The following CAV1 variants were observed in gnomAD, a reference collection of about 807,000 sequenced individuals.
The protein encoded by CAV1 is caveolin-1.
In CAV1, 10 loss-of-function variants were observed where a neutral mutation model predicts 16.5. The ratio of observed to expected loss-of-function variants is 0.61; its 90% CI spans 0.37 to 1.03. The LOEUF (loss-of-function observed/expected upper bound fraction) is 1.03. CAV1 is among the 50% of genes least tolerant of loss of function. The pLI is 0.01. For synonymous variants in CAV1, 76 were observed against 85.1 expected (o/e 0.89, Z 0.59); for missense variants, 212 against 232.8 (o/e 0.91, Z 0.58).
At chr7:116,553,086 A>T (rs1286516866) in intron 2 of CAV1, among the ~76,000 whole-genome samples, 1 of 152,262 alleles carries the variant, frequency 6.6e-6, no homozygotes, top group Non-Finnish European at 1.5e-5. Flanking sequence ...TAAGATCATT[A>T]CTTATGAAAT....
intron 2 of CAV1, among the ~76,000 whole-genome samples, chr7:116,542,375 A>G (rs1402708992): frequency 6.6e-6 from 1 of 152,158 alleles, no homozygotes; most frequent in East Asian, 1.9e-4. Flanking sequence ...AGAAATTCTG[A>G]TTTAATTGGT....
intron 2 of CAV1, among the ~76,000 whole-genome samples, chr7:116,539,439 G>T (rs952617206): frequency 2.6e-5 from 4 of 152,128 alleles, no homozygotes; most frequent in African/African-American, 9.7e-5. Context: ...TCTTTTTAAA[G>T]TAAGTTAATG....
intron 2 of CAV1, among the ~76,000 whole-genome samples, chr7:116,557,046 C>A (rs955567856): frequency 3.3e-5 from 5 of 152,158 alleles, no homozygotes; most frequent in African/African-American, 7.2e-5. Flanking sequence ...ACAGAAACTT[C>A]ATAAAAGTAT....
At chr7:116,551,310 G>A (rs1308865717) in intron 2 of CAV1, among the ~76,000 whole-genome samples, 1 of 152,216 alleles carries the variant, frequency 6.6e-6, no homozygotes, top group African/African-American at 2.4e-5. Flanking sequence ...CAGTTTTCCA[G>A]ATGGAGCTGG....
intron 2 of CAV1, among the ~76,000 whole-genome samples, chr7:116,552,189 T>A (rs542777398): frequency 6.6e-6 from 1 of 152,336 alleles, no homozygotes; most frequent in South Asian, 2.1e-4. Flanking sequence ...TCTTAGATGC[T>A]GTCTATCGCA....
intron 2 of CAV1, among the ~76,000 whole-genome samples, chr7:116,541,638 G>C (rs1402989079): frequency 6.6e-6 from 1 of 151,780 alleles, no homozygotes; most frequent in African/African-American, 2.4e-5. Flanking sequence ...TGTAGTCTCA[G>C]CTACTTGGGG....
chr7:116,540,582 A>G (rs1793914743), intron 2 of CAV1, among the ~76,000 whole-genome samples: 1 of 152,218 alleles, frequency 6.6e-6, no homozygotes, highest in Admixed American at 6.5e-5. Flanking sequence ...CAGTCATAGC[A>G]CACTTAATAT....
At chr7:116,526,378 C>T in intron 1 of CAV1, 147 bp from the exon 2 acceptor site, 1 of 1,521,430 alleles carries the variant, frequency 6.6e-7, no homozygotes, top group East Asian at 2.4e-5. Context: ...GGAGCCGTAG[C>T]TGTCGGAGCG....
intron 2 of CAV1, among the ~76,000 whole-genome samples, chr7:116,548,044 A>G (rs1327585049): frequency 2.0e-5 from 3 of 152,142 alleles, no homozygotes; most frequent in African/African-American, 7.2e-5. Flanking sequence ...TCTGATTGTC[A>G]CATTTTTCAG....
intron 2 of CAV1, among the ~76,000 whole-genome samples, chr7:116,552,959 C>T (rs1047908489): frequency 7.2e-5 from 11 of 152,328 alleles, no homozygotes; most frequent in South Asian, 2.1e-4. Context: ...GAGCAGGCAA[C>T]AAACAAGTCT....
At chr7:116,554,116 C>G (rs1794217649) in intron 2 of CAV1, among the ~76,000 whole-genome samples, 1 of 152,140 alleles carries the variant, frequency 6.6e-6, no homozygotes, top group Admixed American at 6.5e-5. Flanking sequence ...TTTAAGAATC[C>G]CTTTAGCTTT....
At chr7:116,552,659 A>G (rs1410280126) in intron 2 of CAV1, among the ~76,000 whole-genome samples, 1 of 152,110 alleles carries the variant, frequency 6.6e-6, no homozygotes, top group African/African-American at 2.4e-5. Flanking sequence ...CATAGGCAAC[A>G]CCTCATATTC....
chr7:116,527,993 G>C (rs891100181), intron 2 of CAV1, among the ~76,000 whole-genome samples: 2 of 150,724 alleles, frequency 1.3e-5, no homozygotes, highest in African/African-American at 4.9e-5. Context: ...AGCAACAAAA[G>C]TACCTTATAA....
chr7:116,540,003 C>T (rs934930067), intron 2 of CAV1, among the ~76,000 whole-genome samples: 5 of 152,050 alleles, frequency 3.3e-5, no homozygotes, highest in Non-Finnish European at 7.4e-5. Context: ...GGGAATGGCC[C>T]GAAAGAAAAA....
chr7:116,526,543 C>T lies in CAV1; in HGVS notation c.49C>T (p.Pro17Ser), dbSNP rs1793565971. The T allele has an allele frequency of 6.2e-7, 1 of 1,614,008 alleles. No individual in the cohort carries two copies. The highest frequency in any genetic ancestry group is 8.5e-7 in the Non-Finnish European group (1 of 1,180,050). Residue 17 changes from proline to serine, a missense_variant, in exon 2 of 3, where the codon CCC becomes TCC. Physicochemically the swap from Pro to Ser is moderately conservative, Grantham distance 74. Transcript: ENST00000341049. The part of the protein sequence containing the change: ...VDSEGHLYTV[P>S]IREQGNIYKP... ...TCTGCAGGGACATCTCTACACCGTT[C>T]CCATCCGGGAACAGGGCAACATCTA...
intron 2 of CAV1, chr7:116,551,971 TG>T (rs1308216068): frequency 6.5e-6 from 1 of 154,044 alleles, no homozygotes; most frequent in Non-Finnish European, 1.4e-5. Context: ...ACATGGCAGC[TG>T]GTTTCCAGTA....
chr7:116,534,386 TATATATATA>T (rs1275441936), intron 2 of CAV1, among the ~76,000 whole-genome samples: 24 of 14,426 alleles, frequency 1.7e-3, no homozygotes, highest in African/African-American at 6.0e-3. Context: ...TATATATATA[TATATATATA>T]TTTTTTTTTT....
At chr7:116,541,254 A>T (rs1278063250) in intron 2 of CAV1, among the ~76,000 whole-genome samples, 1 of 152,134 alleles carries the variant, frequency 6.6e-6, no homozygotes, top group African/African-American at 2.4e-5. Context: ...AGGAGCCAAG[A>T]GGAAACCCAG....
chr7:116,544,891 C>T (rs1554356089), intron 2 of CAV1, among the ~76,000 whole-genome samples: 3 of 152,198 alleles, frequency 2.0e-5, no homozygotes, highest in Non-Finnish European at 1.5e-5. Flanking sequence ...TAGGCACTGT[C>T]CCCTTTTCAG....
Sources: gnomAD v4.1 joint callset for allele counts (sites outside exome capture counted in the v4.1 genomes callset) on GRCh38, gnomAD v4.1.1 for gene constraint, MANE v1.5 for transcripts, NCBI Gene and HGNC (gene_info 2026-07-23, HGNC 2026-07-21) for gene names.